RBM20: variants seen among roughly 807,000 people sequenced by gnomAD.
The protein encoded by RBM20 is RNA binding motif protein 20.
RBM20 carries 51 observed loss-of-function variants against 110.1 expected under a neutral mutation model. That is an observed-to-expected ratio of 0.46 (90% CI 0.37 to 0.59). The LOEUF is 0.59. Among genes scored for constraint, RBM20 ranks in the 20% least tolerant of loss-of-function variants. The probability of loss-of-function intolerance (pLI) is 0.00; values close to 1 mark genes in which losing one functional copy is unlikely to be tolerated. For synonymous variants in RBM20, 589 were observed against 618.2 expected (o/e 0.95, Z 0.70); for missense variants, 1,512 against 1,574.9 (o/e 0.96, Z 0.68).
intron 1 of RBM20, among the ~76,000 whole-genome samples, chr10:110,723,838 G>A (rs1453833157): frequency 6.6e-6 from 1 of 152,204 alleles, no homozygotes; most frequent in African/African-American, 2.4e-5. Flanking sequence ...CTCTGTGGCA[G>A]TGCACAGGGA....
chr10:110,798,421 A>G (rs1244158385), intron 6 of RBM20, among the ~76,000 whole-genome samples: 2 of 152,238 alleles, frequency 1.3e-5, no homozygotes, highest in Admixed American at 6.5e-5. Context: ...CTGGAGTGAG[A>G]CTACTCACTT....
chr10:110,736,899 G>T (rs1843676273), intron 1 of RBM20, among the ~76,000 whole-genome samples: 1 of 152,028 alleles, frequency 6.6e-6, no homozygotes, highest in South Asian at 2.1e-4. Context: ...ACCCGGCCTG[G>T]CGCAGTGGCT....
At position 110,682,968 on chromosome 10, in the gene RBM20, G is replaced by A. The variant is rs535154306; in HGVS notation, c.191+38323G>A. 4.6e-5 allele frequency among the ~76,000 whole-genome samples: 7 copies of A among 152,082 alleles called. No individual in the cohort carries two copies. In the East Asian group the frequency reaches 1.2e-3, roughly 25 times the overall value. Reference sequence around the variant, plus strand: ...GAAGAGCTGTTGTTCCTTCTTCCTCGCTTGTTTATTTATCAAGTATTTATG... The same window carrying A: ...GAAGAGCTGTTGTTCCTTCTTCCTCACTTGTTTATTTATCAAGTATTTATG... On this transcript the variant is annotated intron_variant, in intron 1 of 13. Coordinates refer to ENST00000369519, the MANE Select transcript of RBM20 (RefSeq NM_001134363.3).
At chr10:110,793,503 T>C (rs554560890) in intron 5 of RBM20, among the ~76,000 whole-genome samples, 18 of 152,370 alleles carry the variant, frequency 1.2e-4, no homozygotes, top group Admixed American at 1.1e-3. Flanking sequence ...TTTAATTTAA[T>C]TGGGCAGCCC....
At chr10:110,688,342 A>T (rs1380774955) in intron 1 of RBM20, among the ~76,000 whole-genome samples, 2 of 152,166 alleles carry the variant, frequency 1.3e-5, no homozygotes, top group African/African-American at 2.4e-5. Context: ...AGAAATGTTC[A>T]TGTGTTTAAT....
intron 5 of RBM20, among the ~76,000 whole-genome samples, chr10:110,797,130 G>A (rs1844559724): frequency 1.3e-5 from 2 of 152,036 alleles, no homozygotes; most frequent in South Asian, 4.2e-4. Context: ...CGTTGTTACT[G>A]CTTATAAAAA....
rs1845129456 is a variant in RBM20 at position 110,836,378 on chromosome 10, T to A, written c.*400T>A. The stretch of plus-strand genomic sequence containing the variant: ...TTGGTAGGATATAACAGGTCAGGCC[T>A]AGCTGAGTCAGGCAAGGAAAAGGTT... On this transcript the variant is annotated 3_prime_UTR_variant, in exon 14 of 14. Transcript: ENST00000369519. 6.5e-6 allele frequency: 1 copy of A among 154,330 alleles called. No homozygotes were observed. The highest frequency in any genetic ancestry group is 1.4e-5 in the Non-Finnish European group (1 of 69,486). The allele number at this position is 154,330 out of a possible 1,614,324, so 9.6% of individuals were successfully genotyped here. A position where few individuals can be genotyped will look rare whatever the true frequency, so the allele number is the denominator to read the frequency against.
chr10:110,694,293 A>G lies in RBM20; in HGVS notation c.191+49648A>G, dbSNP rs536178320. ...CCAAAAGGCAGCCTTGATCCCCCAAAAGAAATTGATTCTGTAACCCAAATT... is the reference window on the plus strand; with the variant it reads ...CCAAAAGGCAGCCTTGATCCCCCAAGAGAAATTGATTCTGTAACCCAAATT... On this transcript the variant is annotated intron_variant, in intron 1 of 13. Coordinates refer to ENST00000369519, the MANE Select transcript of RBM20 (RefSeq NM_001134363.3). Among the ~76,000 whole-genome samples the G allele has an allele frequency of 8.5e-5, 13 of 152,350 alleles. No homozygotes were observed. In the South Asian group the frequency reaches 2.7e-3, roughly 32 times the overall value.
chr10:110,793,255 C>G (rs1844507329), intron 5 of RBM20, among the ~76,000 whole-genome samples: 1 of 152,138 alleles, frequency 6.6e-6, no homozygotes, highest in Non-Finnish European at 1.5e-5. Flanking sequence ...CTGGAAAGTC[C>G]CAAGCTTTTT....
chr10:110,821,695 G>C lies in RBM20; in HGVS notation c.3076G>C (p.Glu1026Gln), dbSNP rs866975469. 2 of 1,551,782 alleles carry C rather than the reference G, an allele frequency of 1.3e-6. No homozygotes were observed. The highest frequency in any genetic ancestry group is 1.2e-5 in the South Asian group (1 of 84,064). ...CTCCCTGGAGGATTCAGATTGCTAC[G>C]AGAAGGAGGCAAAGGGAGTGGAGAG... ...GLSLEDSDCYEKEAKGVESSD... is the reference protein window; with the variant it reads ...GLSLEDSDCYQKEAKGVESSD... The change falls in exon 11 of 14, where the codon GAG (glutamate) becomes CAG (glutamine). Residue 1026 changes from glutamate (E) to glutamine (Q), a missense_variant. By Grantham distance (29) the Glu-to-Gln change is conservative. Coordinates refer to ENST00000369519, the MANE Select transcript of RBM20 (RefSeq NM_001134363.3).
intron 1 of RBM20, among the ~76,000 whole-genome samples, chr10:110,743,905 G>C (rs1029976041): frequency 6.6e-6 from 1 of 152,242 alleles, no homozygotes; most frequent in Middle Eastern, 3.4e-3. Context: ...TGTGAGCCAC[G>C]GTGCCCAGCT....
rs1266103269 is a variant in RBM20, at chr10:110,810,473, A to G, written c.1880+11A>G. 3.9e-6 allele frequency: 6 copies of G among 1,546,928 alleles called. No homozygotes were observed. Among genetic ancestry groups the G allele is most frequent in the Non-Finnish European group, 2.6e-6 (3 of 1,142,796 alleles). ...CCGGGAAGCAGACAGGTGAGGCCCCAAGCCCCAAGTCTCCAGGCAGGTTCT... is the reference window on the plus strand; with the variant it reads ...CCGGGAAGCAGACAGGTGAGGCCCCGAGCCCCAAGTCTCCAGGCAGGTTCT... On this transcript the variant is annotated intron_variant, in intron 8 of 13. Transcript: ENST00000369519.
At chr10:110,691,779 G>A (rs917127050) in intron 1 of RBM20, among the ~76,000 whole-genome samples, 1 of 152,020 alleles carries the variant, frequency 6.6e-6, no homozygotes, top group African/African-American at 2.4e-5. Context: ...TAATTTTTAT[G>A]AACTTCAATT....
rs956179711 is a variant in RBM20 at position 110,828,805 on chromosome 10, G to GT, written c.3452-2247dup. Among the ~76,000 whole-genome samples, 20 of 151,474 alleles carry GT rather than the reference G, an allele frequency of 1.3e-4. 1 individual carries two copies. In the East Asian group the frequency reaches 2.5e-3, roughly 19 times the overall value. ...TCTCCATGACACTGTGGCTTCCAAG[G>GT]TTTTTTTTTGTTTGTTTGCTTTTTG... On this transcript the variant is annotated intron_variant, in intron 12 of 13. Transcript: ENST00000369519.
chr10:110,643,511 C>T (rs569988731), upstream of RBM20, among the ~76,000 whole-genome samples: 1 of 152,214 alleles, frequency 6.6e-6, no homozygotes, highest in East Asian at 1.9e-4. Context: ...GTGACGGTGA[C>T]CGTACGTTGT....
At chr10:110,776,830 C>T (rs1844271444) in intron 1 of RBM20, among the ~76,000 whole-genome samples, 1 of 152,210 alleles carries the variant, frequency 6.6e-6, no homozygotes, top group Non-Finnish European at 1.5e-5. Context: ...ATTTAAAAAC[C>T]TGAACTTAGA....
At chr10:110,776,879 G>A (rs1299144645) in intron 1 of RBM20, among the ~76,000 whole-genome samples, 1 of 152,046 alleles carries the variant, frequency 6.6e-6, no homozygotes, top group Non-Finnish European at 1.5e-5. Context: ...ATTGGAGTGG[G>A]AAATTGTAGA....
chr10:110,680,596 G>A (rs1478492119), intron 1 of RBM20, among the ~76,000 whole-genome samples: 5 of 152,202 alleles, frequency 3.3e-5, no homozygotes, highest in East Asian at 3.9e-4. Context: ...TGGCTAGCTC[G>A]GGGACTGACA....
intron 1 of RBM20, among the ~76,000 whole-genome samples, chr10:110,674,244 C>T (rs764150303): frequency 6.6e-6 from 1 of 152,152 alleles, no homozygotes; most frequent in African/African-American, 2.4e-5. Context: ...GAGTTATAGT[C>T]AATTCTTATG....
Sources: gnomAD v4.1 joint callset for allele counts (sites outside exome capture counted in the v4.1 genomes callset) on GRCh38, gnomAD v4.1.1 for gene constraint, MANE v1.5 for transcripts, NCBI Gene and HGNC (gene_info 2026-07-23, HGNC 2026-07-21) for gene names.